Variants in ADIPOR2 observed in about 807,000 individuals in gnomAD.
The protein encoded by ADIPOR2 is adiponectin receptor protein 2.
In ADIPOR2, 18 loss-of-function variants were observed where a neutral mutation model predicts 40.9. The observed-to-expected ratio is 0.44, with a 90% CI of 0.30 to 0.65. The LOEUF is 0.65. Ranked by LOEUF, ADIPOR2 falls within the 30% of genes least tolerant of loss-of-function variation. The pLI is 0.09. For synonymous variants in ADIPOR2, 165 were observed against 166.4 expected (o/e 0.99, Z 0.06); for missense variants, 283 against 479.2 (o/e 0.59, Z 3.82).
rs530956035 is a variant in ADIPOR2 at position 1,754,756 on chromosome 12, C to A, written c.171+242C>A. On this transcript the variant is annotated intron_variant, in intron 2 of 7. Transcript: ENST00000357103. Reference sequence around the variant, plus strand: ...ACTACTACTACTACTACTATTGAGACGGAGTCTCGCTCTGTCACCCAGGCG... The same window carrying A: ...ACTACTACTACTACTACTATTGAGAAGGAGTCTCGCTCTGTCACCCAGGCG... Among the ~76,000 whole-genome samples the A allele has an allele frequency of 2.0e-5, 3 of 147,558 alleles. No individual in the cohort carries two copies. The South Asian group carries it at 6.5e-4, about 32-fold the overall frequency.
chr12:1,772,883 A>G lies in ADIPOR2; in HGVS notation c.213A>G (p.Glu71=). The G allele has an allele frequency of 6.2e-7, 1 of 1,613,584 alleles. No individual in the cohort carries two copies. The highest frequency in any genetic ancestry group is 1.3e-5 in the African/African-American group (1 of 75,056). Residue 71 remains glutamate (E), a synonymous_variant, in exon 3 of 8, where the codon GAA becomes GAG. Transcript: ENST00000357103. ...EHEYSDEAPQ[E]DEGFMGMSPL... Reference sequence around the variant, plus strand: ...AATACAGTGATGAAGCTCCTCAGGAAGATGAGGGCTTTATGGGCATGTCCC... The same window carrying G: ...AATACAGTGATGAAGCTCCTCAGGAGGATGAGGGCTTTATGGGCATGTCCC...
At chr12:1,713,295 A>T (rs2094681262) in intron 1 of ADIPOR2, among the ~76,000 whole-genome samples, 1 of 152,134 alleles carries the variant, frequency 6.6e-6, no homozygotes, top group Non-Finnish European at 1.5e-5. Context: ...CTGGATATAG[A>T]GGAATTACTG....
At chr12:1,699,165 A>G (rs751257355) in intron 1 of ADIPOR2, among the ~76,000 whole-genome samples, 2 of 152,198 alleles carry the variant, frequency 1.3e-5, no homozygotes, top group Non-Finnish European at 2.9e-5. Flanking sequence ...CTTTCTTGAT[A>G]ATCTACTGGC....
chr12:1,727,544 C>T (rs1406756717), intron 1 of ADIPOR2, among the ~76,000 whole-genome samples: 1 of 152,134 alleles, frequency 6.6e-6, no homozygotes, highest in East Asian at 1.9e-4. Context: ...GCCCTCATCC[C>T]CACCCTCCAG....
rs562090966 is a variant in ADIPOR2, at chr12:1,712,022, A to C, written c.-87+20831A>C. Among the ~76,000 whole-genome samples, 3 of 152,208 alleles carry C rather than the reference A, an allele frequency of 2.0e-5. No individual in the cohort carries two copies. The South Asian group carries it at 6.2e-4, about 31-fold the overall frequency. On this transcript the variant is annotated intron_variant, in intron 1 of 7. Coordinates refer to ENST00000357103, the MANE Select transcript of ADIPOR2 (RefSeq NM_024551.3). ...TTGGGTAAGTGCCACTAGTTCTGCT[A>C]TCTGGCCGCTGGTCCCTGGGGGAGG...
rs12298275 is a variant in ADIPOR2 at position 1,754,459 on chromosome 12, A to G, written c.116A>G (p.Gln39Arg). ...GTRRGDNDSH[Q>R]GDLEPILEAS... Reference sequence around the variant, plus strand: ...CGAAGAGGTGATAATGACAGCCACCAAGGAGATTTGGAGCCCATTTTAGAG... The same window carrying G: ...CGAAGAGGTGATAATGACAGCCACCGAGGAGATTTGGAGCCCATTTTAGAG... The change falls in exon 2 of 8, where the codon CAA becomes CGA. Residue 39 changes from glutamine (Q) to arginine (R), a missense_variant. Transcript: ENST00000357103. 3,573 of 1,613,438 alleles carry G rather than the reference A, an allele frequency of 2.2e-3. 85 individuals are homozygous for G. The African/African-American group carries it at 0.042, about 19-fold the overall frequency.
intron 2 of ADIPOR2, among the ~76,000 whole-genome samples, chr12:1,759,009 C>T (rs116774176): frequency 2.6e-5 from 4 of 152,144 alleles, no homozygotes; most frequent in Admixed American, 1.3e-4. Flanking sequence ...CTCTTTCTGC[C>T]GAACAAAGCT....
chr12:1,737,707 C>T (rs560521412), intron 1 of ADIPOR2, among the ~76,000 whole-genome samples: 28 of 152,138 alleles, frequency 1.8e-4, no homozygotes, highest in Admixed American at 1.1e-3. Flanking sequence ...CCCAGCCTCA[C>T]GCTTGGGTAA....
chr12:1,780,756 A>AAG, intron 5 of ADIPOR2, 119 bp downstream of exon 5: 1 of 1,381,382 alleles, frequency 7.2e-7, no homozygotes, highest in Non-Finnish European at 9.7e-7. Context: ...TTTTTTTTTT[A>AAG]AAAATTAAAG....
At chr12:1,752,601 A>G (rs561530013) in intron 1 of ADIPOR2, among the ~76,000 whole-genome samples, 2 of 152,326 alleles carry the variant, frequency 1.3e-5, no homozygotes, top group African/African-American at 4.8e-5. Flanking sequence ...GAAACTGGGT[A>G]TAACACAGCT....
rs532683845 is a variant in ADIPOR2 at position 1,783,523 on chromosome 12, C to T, written c.839-357C>T. Among the ~76,000 whole-genome samples the T allele has an allele frequency of 1.0e-3, 157 of 152,042 alleles. 1 individual carries two copies. Among genetic ancestry groups the T allele is most frequent in the African/African-American group, 3.5e-3 (145 of 41,452 alleles). On this transcript the variant is annotated intron_variant, in intron 6 of 7. Coordinates refer to ENST00000357103, the MANE Select transcript of ADIPOR2 (RefSeq NM_024551.3). ...AGGTGATTCTCCTGCCTCAGCCTCC[C>T]GAGTAGCTGGGATTACAGGAGTGCG... is the stretch of plus-strand genomic sequence containing the variant.
chr12:1,720,381 C>A (rs997000023), intron 1 of ADIPOR2, among the ~76,000 whole-genome samples: 4 of 152,126 alleles, frequency 2.6e-5, no homozygotes, highest in African/African-American at 9.7e-5. Flanking sequence ...GATCCAAGCA[C>A]ATTACATTTA....
rs764160007 is a variant in ADIPOR2 at position 1,780,545 on chromosome 12, A to G, written c.558A>G (p.Leu186=). ...APLQEKVVFG[L]FFLGAILCLS... ...TGCAAGAGAAGGTGGTCTTTGGATT[A>G]TTTTTCTTAGGAGCCATTCTCTGCC... Residue 186 remains leucine, a synonymous_variant, in exon 5 of 8, where the codon TTA becomes TTG. Coordinates refer to ENST00000357103, the MANE Select transcript of ADIPOR2 (RefSeq NM_024551.3). 2 of 1,613,384 alleles carry G rather than the reference A, an allele frequency of 1.2e-6. No homozygotes were observed. The highest frequency in any genetic ancestry group is 1.7e-6 in the Non-Finnish European group (2 of 1,179,766).
intron 1 of ADIPOR2, among the ~76,000 whole-genome samples, chr12:1,749,531 G>A (rs1260089953): frequency 6.6e-6 from 1 of 152,206 alleles, no homozygotes; most frequent in Non-Finnish European, 1.5e-5. Context: ...GCATACTTGT[G>A]TGGGTCATTT....
chr12:1,716,286 A>G (rs2094687503), intron 1 of ADIPOR2, among the ~76,000 whole-genome samples: 1 of 152,208 alleles, frequency 6.6e-6, no homozygotes, highest in Admixed American at 6.5e-5. Context: ...AATGGGATGA[A>G]ATTGAAGATG....
chr12:1,722,447 T>C (rs183066956), intron 1 of ADIPOR2, among the ~76,000 whole-genome samples: 3 of 152,286 alleles, frequency 2.0e-5, no homozygotes, highest in East Asian at 1.9e-4. Flanking sequence ...AGTGAGAGTT[T>C]AGGGCCAGGG....
At chr12:1,752,230 CTTTT>C (rs67598229) in intron 1 of ADIPOR2, among the ~76,000 whole-genome samples, 163 of 74,866 alleles carry the variant, frequency 2.2e-3, no homozygotes, top group Admixed American at 3.4e-3. Flanking sequence ...CTCCTGGCCT[CTTTT>C]TTTTTTTTTT....
intron 1 of ADIPOR2, among the ~76,000 whole-genome samples, chr12:1,751,815 C>T (rs959999028): frequency 1.3e-5 from 2 of 148,694 alleles, no homozygotes; most frequent in East Asian, 2.1e-4. Context: ...CCACTGTGCC[C>T]GCCTGAGCGT....
chr12:1,703,728 A>C (rs941447383), intron 1 of ADIPOR2, among the ~76,000 whole-genome samples: 1 of 152,010 alleles, frequency 6.6e-6, no homozygotes, highest in African/African-American at 2.4e-5. Context: ...CGAATAAATA[A>C]ATAAATAAAT....
Sources: gnomAD v4.1 joint callset for allele counts (sites outside exome capture counted in the v4.1 genomes callset) on GRCh38, gnomAD v4.1.1 for gene constraint, MANE v1.5 for transcripts, NCBI Gene and HGNC (gene_info 2026-07-23, HGNC 2026-07-21) for gene names.